Variants in TNRC6C observed in about 807,000 individuals in gnomAD.
TNRC6C encodes trinucleotide repeat containing adaptor 6C.
In TNRC6C, 20 loss-of-function variants were observed where a neutral mutation model predicts 153.7. That is an observed-to-expected ratio of 0.13 (90% CI 0.09 to 0.19). The LOEUF (loss-of-function observed/expected upper bound fraction) is 0.19. TNRC6C is among the 10% of genes least tolerant of loss of function. The probability of loss-of-function intolerance (pLI) is 1.00; values close to 1 mark genes in which losing one functional copy is unlikely to be tolerated. For synonymous variants in TNRC6C, 811 were observed against 841.4 expected (o/e 0.96, Z 0.63); for missense variants, 1,987 against 2,172.0 (o/e 0.91, Z 1.69).
intron 1 of TNRC6C, among the ~76,000 whole-genome samples, chr17:77,974,785 T>G (rs959241589): frequency 8.5e-5 from 13 of 152,232 alleles, no homozygotes; most frequent in African/African-American, 3.1e-4. Context: ...CTTAACTCAT[T>G]GAGTCTGTTC....
upstream of TNRC6C, among the ~76,000 whole-genome samples, chr17:77,958,075 CCCCAAGGA>C (rs2070822742): frequency 6.6e-6 from 1 of 152,062 alleles, no homozygotes; most frequent in Non-Finnish European, 1.5e-5. Flanking sequence ...TGCTCCAGGG[CCCCAAGGA>C]CTCGTGTGCG....
intron 1 of TNRC6C, among the ~76,000 whole-genome samples, chr17:77,968,396 C>T (rs189804295): frequency 8.6e-5 from 13 of 151,058 alleles, no homozygotes; most frequent in East Asian, 5.9e-4. Context: ...GACTAGAGTG[C>T]GGTAGCGTGA....
exon 20 of TNRC6C, chr17:78,107,333 A>G (rs1253576467): frequency 6.6e-6 from 1 of 152,188 alleles, no homozygotes; most frequent in African/African-American, 2.4e-5. Context: ...AGATTAAACA[A>G]CAAGTTCGTG....
At chr17:78,083,293 T>C in intron 11 of TNRC6C, 127 bp downstream of exon 13, 1 of 1,279,056 alleles carries the variant, frequency 7.8e-7, no homozygotes, top group Non-Finnish European at 1.1e-6. Context: ...TCTCATGAAG[T>C]ATTTAAACTC....
chr17:78,009,581 T>G (rs759355904), intron 1 of TNRC6C, among the ~76,000 whole-genome samples: 21 of 151,964 alleles, frequency 1.4e-4, no homozygotes, highest in Admixed American at 2.6e-4. Flanking sequence ...TGAGATGGAG[T>G]TTTGCTCTTG....
At chr17:77,994,820 G>T (rs1022078213) in intron 1 of TNRC6C, among the ~76,000 whole-genome samples, 3 of 151,996 alleles carry the variant, frequency 2.0e-5, no homozygotes, top group Non-Finnish European at 4.4e-5. Context: ...ATCTGTCAGG[G>T]TTGATATTTC....
At chr17:78,080,635 A>G (rs2073162800) in intron 10 of TNRC6C, among the ~76,000 whole-genome samples, 1 of 152,162 alleles carries the variant, frequency 6.6e-6, no homozygotes, top group Non-Finnish European at 1.5e-5. Flanking sequence ...CTTATAATAT[A>G]TTTGATAATC....
chr17:77,964,975 G>C (rs991453636), intron 1 of TNRC6C, among the ~76,000 whole-genome samples: 1 of 152,184 alleles, frequency 6.6e-6, no homozygotes, highest in Non-Finnish European at 1.5e-5. Context: ...GAGGACAATT[G>C]GGAATTGTGA....
intron 1 of TNRC6C, among the ~76,000 whole-genome samples, chr17:77,968,185 A>G (rs2070913192): frequency 6.6e-6 from 1 of 152,146 alleles, no homozygotes; most frequent in African/African-American, 2.4e-5. Flanking sequence ...GGTGCCTGCC[A>G]CCACGCCCAG....
chr17:78,102,394 C>T, intron 17 of TNRC6C, 80 bp from the exon 21 acceptor site: 1 of 1,340,894 alleles, frequency 7.5e-7, no homozygotes, highest in Admixed American at 2.0e-5. Flanking sequence ...TCCCACACTT[C>T]AGCACAATAA....
intron 3 of TNRC6C, among the ~76,000 whole-genome samples, chr17:78,061,993 A>G (rs1415387879): frequency 1.3e-5 from 2 of 152,228 alleles, no homozygotes; most frequent in Admixed American, 6.5e-5. Flanking sequence ...AGGTGAGTTC[A>G]TTATTTAATT....
chr17:78,015,402 T>A (rs1271921579), intron 1 of TNRC6C, among the ~76,000 whole-genome samples: 1 of 151,476 alleles, frequency 6.6e-6, no homozygotes, highest in African/African-American at 2.5e-5. Context: ...AAAATGTCCC[T>A]CCCAGTTAGC....
intron 2 of TNRC6C, among the ~76,000 whole-genome samples, chr17:78,038,513 A>G (rs2072225804): frequency 6.6e-6 from 1 of 151,732 alleles, no homozygotes; most frequent in African/African-American, 2.4e-5. Context: ...CTCTACTAAA[A>G]AAAAAAATAC....
At chr17:78,078,821 G>A (rs1035500365) in intron 9 of TNRC6C, among the ~76,000 whole-genome samples, 11 of 151,990 alleles carry the variant, frequency 7.2e-5, no homozygotes, top group African/African-American at 2.7e-4. Flanking sequence ...AAAAATTCGG[G>A]GTGGCTCACA....
chr17:78,056,866 A>AGACGGAGTCTCGC (rs1378730698), intron 3 of TNRC6C, among the ~76,000 whole-genome samples: 3 of 137,952 alleles, frequency 2.2e-5, no homozygotes, highest in Non-Finnish European at 3.2e-5. Context: ...ATTCTCTTTT[A>AGACGGAGTCTCGC]TATGAAAAAT....
intron 2 of TNRC6C, among the ~76,000 whole-genome samples, chr17:78,039,380 G>A (rs984258007): frequency 2.7e-4 from 38 of 140,990 alleles, no homozygotes; most frequent in Admixed American, 2.7e-3. Context: ...CCTTCTTGCC[G>A]TCACCCACGT....
At chr17:78,033,803 G>T (rs1490997979) in intron 2 of TNRC6C, among the ~76,000 whole-genome samples, 1 of 151,998 alleles carries the variant, frequency 6.6e-6, no homozygotes, top group Non-Finnish European at 1.5e-5. Flanking sequence ...CATAAAATAA[G>T]AAATTCATTC....
intron 1 of TNRC6C, among the ~76,000 whole-genome samples, chr17:78,017,223 A>T (rs1248887770): frequency 1.3e-5 from 2 of 152,194 alleles, no homozygotes; most frequent in Admixed American, 1.3e-4. Context: ...AAAATGTCTT[A>T]AATATTTCTA....
In TNRC6C at chr17:78,087,034, C is replaced by G. The variant is rs559495666; in HGVS notation, c.3743C>G (p.Pro1248Arg). ...TCGCACCCACAGACTCCCGGCCTAC[C>G]TGACCTGCAGACCAAAGAGCAGCAG... The change falls in exon 13 of 20, where the codon CCT becomes CGT. Residue 1248 changes from proline (P) to arginine (R), a missense_variant. Coordinates refer to ENST00000301624, the Ensembl canonical transcript of TNRC6C. 126 of 1,613,772 alleles carry G rather than the reference C, an allele frequency of 7.8e-5. 1 individual carries two copies. Among genetic ancestry groups the G allele is most frequent in the Non-Finnish European group, 9.4e-5 (111 of 1,179,884 alleles).
Sources: allele counts gnomAD v4.1 joint callset (sites outside exome capture counted in the v4.1 genomes callset), GRCh38; gene constraint gnomAD v4.1.1; transcripts MANE v1.5; gene names NCBI Gene and HGNC (gene_info 2026-07-23, HGNC 2026-07-21).